The following CYTH3 variants were observed in gnomAD, a reference collection of about 807,000 sequenced individuals.
The protein encoded by CYTH3 is cytohesin 3, also known as cytohesin-3.
CYTH3 carries 23 observed loss-of-function variants against 55.1 expected under a neutral mutation model. That is an observed-to-expected ratio of 0.42 (90% CI 0.30 to 0.59). The LOEUF is 0.59. Ranked by LOEUF, CYTH3 falls within the 20% of genes least tolerant of loss-of-function variation. The pLI is 0.20. For synonymous variants in CYTH3, 249 were observed against 194.9 expected, an observed-to-expected ratio of 1.28 and a Z score of -2.31; for missense variants, 413 against 524.8, an observed-to-expected ratio of 0.79 and a Z score of 2.08.
At chr7:6,220,781 AGCTCAGGAGTTCGAGACCAGCCTGG>A (rs1784533361) in intron 1 of CYTH3, among the ~76,000 whole-genome samples, 1 of 152,102 alleles carries the variant, frequency 6.6e-6, no homozygotes, top group Admixed American at 6.6e-5. Context: ...GGAATGCCTG[AGCTCAGGAGTTCGAGACCAGCCTGG>A]GCAACACGGT....
At chr7:6,186,008 G>A (rs1051434669) in intron 4 of CYTH3, among the ~76,000 whole-genome samples, 7 of 151,870 alleles carry the variant, frequency 4.6e-5, no homozygotes, top group Admixed American at 3.9e-4. Flanking sequence ...ACTTTGGGAG[G>A]CCGAGGCGGG....
intron 1 of CYTH3, among the ~76,000 whole-genome samples, chr7:6,257,122 A>C (rs1182765749): frequency 6.6e-6 from 1 of 152,154 alleles, no homozygotes; most frequent in East Asian, 1.9e-4. Flanking sequence ...TTTTTTACAT[A>C]AGGCAATGAA....
intron 1 of CYTH3, 80 bp downstream of exon 1, chr7:6,272,394 C>G: frequency 8.1e-7 from 1 of 1,238,100 alleles, no homozygotes; most frequent in Non-Finnish European, 1.0e-6. Context: ...GAACCCCGGC[C>G]CAGCGCCGCG....
At chr7:6,244,130 CT>C (rs1476471624) in intron 1 of CYTH3, among the ~76,000 whole-genome samples, 3 of 152,126 alleles carry the variant, frequency 2.0e-5, no homozygotes, top group African/African-American at 7.2e-5. Context: ...TCTTATGTAT[CT>C]GATGCATTTT....
At chr7:6,262,608 C>T (rs994977897) in intron 1 of CYTH3, among the ~76,000 whole-genome samples, 1 of 152,204 alleles carries the variant, frequency 6.6e-6, no homozygotes, top group Non-Finnish European at 1.5e-5. Flanking sequence ...ATGGCTGATG[C>T]CTGTAATCCC....
intron 1 of CYTH3, among the ~76,000 whole-genome samples, chr7:6,259,800 T>TATA (rs1562417853): frequency 3.9e-5 from 1 of 25,504 alleles, no homozygotes; most frequent in Non-Finnish European, 5.4e-5. Flanking sequence ...TATATATATA[T>TATA]ATATATATAT....
intron 1 of CYTH3, among the ~76,000 whole-genome samples, chr7:6,229,990 C>G (rs562202277): frequency 6.6e-6 from 1 of 151,884 alleles, no homozygotes; most frequent in Non-Finnish European, 1.5e-5. Flanking sequence ...CAAAGTCAGC[C>G]GGGTGTGGTG....
chr7:6,172,777 T>G (rs1208674043), intron 6 of CYTH3: 15 of 1,269,846 alleles, frequency 1.2e-5, no homozygotes, highest in African/African-American at 1.5e-5. Flanking sequence ...AAACGCAATC[T>G]GATAAGCCTG....
chr7:6,247,845 G>A (rs907675045), intron 1 of CYTH3, among the ~76,000 whole-genome samples: 1 of 151,710 alleles, frequency 6.6e-6, no homozygotes, highest in Non-Finnish European at 1.5e-5. Context: ...AGAGACGGAG[G>A]GCTTACCATG....
At chr7:6,227,744 C>A (rs1381457114) in intron 1 of CYTH3, among the ~76,000 whole-genome samples, 1 of 152,226 alleles carries the variant, frequency 6.6e-6, no homozygotes, top group African/African-American at 2.4e-5. Context: ...AACGGGTTGT[C>A]AAATTCTCTG....
At chr7:6,229,155 T>C (rs1013338181) in intron 1 of CYTH3, among the ~76,000 whole-genome samples, 3 of 152,210 alleles carry the variant, frequency 2.0e-5, no homozygotes, top group African/African-American at 2.4e-5. Context: ...AGAGGAACTA[T>C]GTCGTTATCA....
rs1182782651 is a variant in CYTH3 at position 6,171,826 on chromosome 7, G to A, written c.450-512C>T. The A allele has an allele frequency of 6.3e-6, 1 of 158,212 alleles. No homozygotes were observed. The highest frequency in any genetic ancestry group is 2.4e-5 in the African/African-American group (1 of 41,550). The allele number at this position is 158,212 out of a possible 1,614,324, so 9.8% of individuals were successfully genotyped here. On this transcript the variant is annotated intron_variant, in intron 6 of 12. Coordinates refer to ENST00000350796, the MANE Select transcript of CYTH3 (RefSeq NM_004227.4). The surrounding 1 kb of genome is among the most constrained non-coding windows in gnomAD (Gnocchi z 6.7). ...GACACATGCCTGCCTCAGAGACCAGGCCCAGCAGACACTCCCACCCTCAGG... is the reference window on the plus strand; with the variant it reads ...GACACATGCCTGCCTCAGAGACCAGACCCAGCAGACACTCCCACCCTCAGG...
chr7:6,207,521 T>C (rs549542412), intron 1 of CYTH3, among the ~76,000 whole-genome samples: 65 of 152,148 alleles, frequency 4.3e-4, no homozygotes, highest in Non-Finnish European at 7.1e-4. Context: ...TCCCAGTACT[T>C]TGGGAAGCCA....
chr7:6,220,711 C>T (rs776122492), intron 1 of CYTH3, among the ~76,000 whole-genome samples: 2 of 151,784 alleles, frequency 1.3e-5, no homozygotes, highest in East Asian at 1.9e-4. Flanking sequence ...ACTAAACATA[C>T]ACAGCCGGGC....
chr7:6,185,532 TA>T (rs368709212), intron 4 of CYTH3, among the ~76,000 whole-genome samples: 3 of 150,274 alleles, frequency 2.0e-5, no homozygotes, highest in Admixed American at 1.3e-4. Context: ...CCGTCTCTAC[TA>T]AAAAAAAATA....
intron 1 of CYTH3, among the ~76,000 whole-genome samples, chr7:6,260,044 G>C (rs778798189): frequency 3.3e-5 from 5 of 150,256 alleles, no homozygotes; most frequent in Non-Finnish European, 7.4e-5. Flanking sequence ...GGTCAGGCTG[G>C]TGTGGAACTC....
intron 1 of CYTH3, among the ~76,000 whole-genome samples, chr7:6,237,061 C>G (rs546825181): frequency 6.6e-6 from 1 of 152,320 alleles, no homozygotes; most frequent in African/African-American, 2.4e-5. Flanking sequence ...CAGAGGAGTA[C>G]TTGCTGGAGA....
intron 1 of CYTH3, among the ~76,000 whole-genome samples, chr7:6,219,666 C>A (rs1197208241): frequency 6.6e-6 from 1 of 152,102 alleles, no homozygotes; most frequent in African/African-American, 2.4e-5. Flanking sequence ...GCCCTCTTGT[C>A]CCCTGTGAAA....
Position 6,272,543 on chromosome 7 carries a change from C to T in CYTH3, c.-36G>A. The T allele has an allele frequency of 1.6e-6, 2 of 1,268,624 alleles. No individual in the cohort carries two copies. Among genetic ancestry groups the T allele is most frequent in the South Asian group, 1.7e-5 (1 of 58,040 alleles). The allele number at this position is 1,268,624 out of a possible 1,614,324, so 78.6% of individuals were successfully genotyped here. On this transcript the variant is annotated 5_prime_UTR_variant, in exon 1 of 13. Coordinates refer to ENST00000350796, the MANE Select transcript of CYTH3 (RefSeq NM_004227.4). ...CTCCCGCAGCCGGCGAGCCGGGGGC[C>T]GGCAGCAGAGGGGCCGCGGGCTGGG...
Sources: gnomAD v4.1 joint callset for allele counts (sites outside exome capture counted in the v4.1 genomes callset) on GRCh38, gnomAD v4.1.1 for gene constraint, Gnocchi (gnomAD v3.1) non-coding constraint, MANE v1.5 for transcripts, NCBI Gene and HGNC (gene_info 2026-07-23, HGNC 2026-07-21) for gene names.